GLIS3: variants seen among roughly 807,000 people sequenced by gnomAD.
GLIS3 encodes zinc finger protein GLIS3.
Under a neutral mutation model 78.6 loss-of-function variants are expected in GLIS3, and 53 were observed. That is an observed-to-expected ratio of 0.67 (90% CI 0.54 to 0.85). GLIS3 has a LOEUF of 0.85. Ranked by LOEUF, GLIS3 falls within the 40% of genes least tolerant of loss-of-function variation. GLIS3 has a pLI of 0.00. For synonymous variants in GLIS3, 684 were observed against 509.9 expected (o/e 1.34, Z -4.60); for missense variants, 1,703 against 1,231.1 (o/e 1.38, Z -5.74).
the GLIS3 span, among the ~76,000 whole-genome samples, chr9:4,415,981 A>G: frequency 1.3e-4 from 20 of 151,068 alleles, no homozygotes; most frequent in Admixed American, 1.1e-3. Flanking sequence ...AAAAATACAA[A>G]TATATTATAT....
chr9:4,109,680 A>T (rs1350251285), intron 4 of GLIS3, among the ~76,000 whole-genome samples: 1 of 152,150 alleles, frequency 6.6e-6, no homozygotes, highest in Non-Finnish European at 1.5e-5. Flanking sequence ...ATTTATATTA[A>T]CTAGGTTTCC....
chr9:4,157,631 C>G (rs1375606217), intron 2 of GLIS3, among the ~76,000 whole-genome samples: 1 of 152,192 alleles, frequency 6.6e-6, no homozygotes, highest in African/African-American at 2.4e-5. Context: ...CCTATAAACC[C>G]TCAGTGCTTG....
intron 2 of GLIS3, among the ~76,000 whole-genome samples, chr9:4,253,408 G>A (rs1480962398): frequency 6.6e-6 from 1 of 152,196 alleles, no homozygotes; most frequent in Admixed American, 6.5e-5. Flanking sequence ...TTTACACTAT[G>A]AGGGGAAAAC....
chr9:4,240,953 GA>G (rs1823248832), intron 2 of GLIS3, among the ~76,000 whole-genome samples: 1 of 1,358 alleles, frequency 7.4e-4, no homozygotes, highest in Non-Finnish European at 1.8e-3. Flanking sequence ...AAATATGTAT[GA>G]GTGTGTGTGT....
At chr9:4,400,810 C>T in the GLIS3 span, among the ~76,000 whole-genome samples, 1 of 152,158 alleles carries the variant, frequency 6.6e-6, no homozygotes, top group African/African-American at 2.4e-5. Flanking sequence ...TAGATGCACC[C>T]TGGGCCAAAA....
chr9:3,903,277 G>A (rs190231787), intron 6 of GLIS3, among the ~76,000 whole-genome samples: 77 of 152,246 alleles, frequency 5.1e-4, no homozygotes, highest in African/African-American at 1.7e-3. Flanking sequence ...AACTTGGATT[G>A]TATTTTCTTT....
At chr9:4,076,832 G>C (rs1828105512) in intron 4 of GLIS3, among the ~76,000 whole-genome samples, 1 of 152,192 alleles carries the variant, frequency 6.6e-6, no homozygotes, top group Non-Finnish European at 1.5e-5. Flanking sequence ...CAAGGCGAGG[G>C]AATGGCTTGA....
chr9:4,020,800 C>T (rs1350808313), intron 4 of GLIS3, among the ~76,000 whole-genome samples: 8 of 152,214 alleles, frequency 5.3e-5, no homozygotes, highest in Admixed American at 5.2e-4. Context: ...CAGCAGCACA[C>T]ATGGAGGACT....
At chr9:4,350,561 C>G (rs1466363341), upstream of GLIS3, among the ~76,000 whole-genome samples, 1 of 152,150 alleles carries the variant, frequency 6.6e-6, no homozygotes, top group African/African-American at 2.4e-5. Context: ...TTTAAAGTCT[C>G]TTTCAGAACT....
rs778092542 is a variant in GLIS3, at chr9:4,072,321, C to T, written c.1710+45447G>A. 8.1e-4 allele frequency among the ~76,000 whole-genome samples: 124 copies of T among 152,232 alleles called. No individual in the cohort carries two copies. The Middle Eastern group carries it at 0.017, about 21-fold the overall frequency. Reference sequence around the variant, plus strand: ...CTCTCTACGCCATTCACAATCAGTGCAGTTTGAAATACTGTGAAAAGATTC... The same window carrying T: ...CTCTCTACGCCATTCACAATCAGTGTAGTTTGAAATACTGTGAAAAGATTC... On this transcript the variant is annotated intron_variant, in intron 4 of 10. Transcript: ENST00000381971.
chr9:4,144,891 C>T (rs1488227759), intron 2 of GLIS3: 2 of 152,200 alleles, frequency 1.3e-5, no homozygotes, highest in South Asian at 2.1e-4. Context: ...CAAGAACATG[C>T]TGTTTATTTA....
At chr9:4,168,105 T>G (rs1380081116) in intron 2 of GLIS3, among the ~76,000 whole-genome samples, 2 of 152,152 alleles carry the variant, frequency 1.3e-5, no homozygotes, top group Non-Finnish European at 2.9e-5. Flanking sequence ...CAGCAAAGGC[T>G]TTCAACTGAA....
chr9:3,944,661 C>T (rs985279502), intron 4 of GLIS3, among the ~76,000 whole-genome samples: 18 of 152,152 alleles, frequency 1.2e-4, no homozygotes, highest in African/African-American at 4.1e-4. Context: ...GGTTGACAGA[C>T]AGCAAAAAAT....
At chr9:4,176,304 C>G (rs145462888) in intron 2 of GLIS3, among the ~76,000 whole-genome samples, 21 of 152,342 alleles carry the variant, frequency 1.4e-4, no homozygotes, top group African/African-American at 5.1e-4. Context: ...TGTAATGTAA[C>G]TGCCCAGAGA....
chr9:4,371,737 G>A, the GLIS3 span, among the ~76,000 whole-genome samples: 490 of 152,214 alleles, frequency 3.2e-3, 3 homozygotes, highest in African/African-American at 0.011. Flanking sequence ...ATTACACCAC[G>A]TTACTTCTCT....
intron 4 of GLIS3, among the ~76,000 whole-genome samples, chr9:4,055,431 T>C (rs887237910): frequency 2.0e-5 from 3 of 152,168 alleles, no homozygotes; most frequent in Admixed American, 6.5e-5. Context: ...ATATGCCAAG[T>C]TCAGGGCCTG....
At chr9:4,048,612 TC>T (rs1825451937) in intron 4 of GLIS3, among the ~76,000 whole-genome samples, 1 of 152,174 alleles carries the variant, frequency 6.6e-6, no homozygotes, top group African/African-American at 2.4e-5. Flanking sequence ...GACAGAAGCA[TC>T]TCTTCAAAGA....
chr9:3,887,505 A>C (rs1395416798), intron 7 of GLIS3, among the ~76,000 whole-genome samples: 1 of 152,224 alleles, frequency 6.6e-6, no homozygotes. Context: ...GAATTTATTG[A>C]TGTCTGGACA....
intron 4 of GLIS3, among the ~76,000 whole-genome samples, chr9:3,983,429 A>ATACT (rs1334909908): frequency 6.6e-6 from 1 of 152,192 alleles, no homozygotes; most frequent in African/African-American, 2.4e-5. Flanking sequence ...ACTACTGTAG[A>ATACT]TACTTAAAAA....
Sources: gnomAD v4.1 joint callset for allele counts (sites outside exome capture counted in the v4.1 genomes callset) on GRCh38, gnomAD v4.1.1 for gene constraint, MANE v1.5 for transcripts, NCBI Gene and HGNC (gene_info 2026-07-23, HGNC 2026-07-21) for gene names.